SMYD3: variants seen among roughly 807,000 people sequenced by gnomAD.
SMYD3 encodes the protein histone-lysine N-methyltransferase SMYD3.
In SMYD3, 36 loss-of-function variants were observed where a neutral mutation model predicts 57.7. That is an observed-to-expected ratio of 0.62 (90% CI 0.48 to 0.82). SMYD3 has a LOEUF of 0.82. SMYD3 is among the 40% of genes least tolerant of loss of function. The probability of loss-of-function intolerance (pLI) is 0.00; values close to 1 mark genes in which losing one functional copy is unlikely to be tolerated. For synonymous variants in SMYD3, 211 were observed against 195.0 expected, an observed-to-expected ratio of 1.08 and a Z score of -0.68; for missense variants, 515 against 538.8, an observed-to-expected ratio of 0.96 and a Z score of 0.44.
intron 1 of SMYD3, among the ~76,000 whole-genome samples, chr1:246,373,695 G>A (rs1330684469): frequency 6.6e-6 from 1 of 152,164 alleles, no homozygotes. Context: ...GCCTTTTTCT[G>A]AAAAGATGTC....
chr1:245,912,541 T>A (rs1031585228), intron 8 of SMYD3, among the ~76,000 whole-genome samples: 2 of 151,960 alleles, frequency 1.3e-5, no homozygotes, highest in Non-Finnish European at 2.9e-5. Context: ...AGACCCCAAA[T>A]AGCCAAGGCA....
At chr1:245,854,806 A>G (rs2051151890) in intron 10 of SMYD3, among the ~76,000 whole-genome samples, 1 of 152,212 alleles carries the variant, frequency 6.6e-6, no homozygotes, top group Non-Finnish European at 1.5e-5. Flanking sequence ...TCTGAAGGGA[A>G]GAGAGTTGAG....
At chr1:246,238,287 T>TC (rs1385831866) in intron 5 of SMYD3, among the ~76,000 whole-genome samples, 1 of 152,148 alleles carries the variant, frequency 6.6e-6, no homozygotes, top group Non-Finnish European at 1.5e-5. Flanking sequence ...CGCCTGAGCT[T>TC]CCGAAAGTGC....
At chr1:246,407,013 G>A (rs2066875902) in intron 1 of SMYD3, among the ~76,000 whole-genome samples, 1 of 152,228 alleles carries the variant, frequency 6.6e-6, no homozygotes, top group South Asian at 2.1e-4. Context: ...GGGGGATGTG[G>A]ATGGAATAAA....
rs1404210941 is a variant in SMYD3 at position 246,438,564 on chromosome 1, T to C, written c.164+68490A>G. ...CCCCCAGCACGGATACCAAAATCCATGGATGCTCAAGTCCCTTCTATAAAA... is the reference window on the plus strand; with the variant it reads ...CCCCCAGCACGGATACCAAAATCCACGGATGCTCAAGTCCCTTCTATAAAA... On this transcript the variant is annotated intron_variant, in intron 1 of 11. Coordinates refer to ENST00000490107, the MANE Select transcript of SMYD3 (RefSeq NM_001167740.2). Among the ~76,000 whole-genome samples the C allele has an allele frequency of 2.0e-5, 3 of 152,120 alleles. No individual in the cohort carries two copies. In the East Asian group the frequency reaches 5.8e-4, roughly 29 times the overall value.
At chr1:246,396,730 C>G (rs552663421) in intron 1 of SMYD3, among the ~76,000 whole-genome samples, 3 of 152,188 alleles carry the variant, frequency 2.0e-5, no homozygotes, top group African/African-American at 7.2e-5. Context: ...CTCACGAGAC[C>G]TGGTTGTTCT....
At chr1:246,164,406 C>T (rs960961562) in intron 5 of SMYD3, among the ~76,000 whole-genome samples, 3 of 152,030 alleles carry the variant, frequency 2.0e-5, no homozygotes, top group Admixed American at 6.5e-5. Context: ...GGCGACAGAG[C>T]GAGACTCCGT....
At chr1:246,353,433 G>C (rs1232500562) in intron 2 of SMYD3, among the ~76,000 whole-genome samples, 3 of 152,104 alleles carry the variant, frequency 2.0e-5, no homozygotes, top group Admixed American at 1.3e-4. Context: ...AGGAGGCAGA[G>C]GCAGGGAGAC....
At chr1:245,854,854 C>A (rs959037765) in intron 10 of SMYD3, among the ~76,000 whole-genome samples, 1 of 152,100 alleles carries the variant, frequency 6.6e-6, no homozygotes, top group East Asian at 1.9e-4. Flanking sequence ...ATGGGGGAAG[C>A]AGGGCTTTAA....
intron 5 of SMYD3, among the ~76,000 whole-genome samples, chr1:246,089,462 G>C (rs1271482778): frequency 6.6e-6 from 1 of 152,054 alleles, no homozygotes. Flanking sequence ...ATTATTTTGG[G>C]AAAGGTGCAT....
intron 1 of SMYD3, among the ~76,000 whole-genome samples, chr1:246,365,909 G>T (rs1254147572): frequency 6.6e-6 from 1 of 152,124 alleles, no homozygotes; most frequent in Non-Finnish European, 1.5e-5. Context: ...TCTTTAAGAT[G>T]AATTCCCCAG....
Position 246,282,866 on chromosome 1 carries a change from G to GT in SMYD3, c.531+44334dup, listed in dbSNP as rs528659611. 9.8e-5 allele frequency among the ~76,000 whole-genome samples: 15 copies of GT among 152,306 alleles called. No individual in the cohort carries two copies. The East Asian group carries it at 2.7e-3, about 27-fold the overall frequency. On this transcript the variant is annotated intron_variant, in intron 5 of 11. Transcript: ENST00000490107. Reference sequence around the variant, plus strand: ...TAAATCAACCTGGTTTGTTGCAGTTGTTAATTATCTAAAGTAAACTGAAGA... The same window carrying GT: ...TAAATCAACCTGGTTTGTTGCAGTTGTTTAATTATCTAAAGTAAACTGAAGA...
chr1:246,047,030 G>A (rs551665621), intron 5 of SMYD3, among the ~76,000 whole-genome samples: 6 of 152,204 alleles, frequency 3.9e-5, no homozygotes, highest in South Asian at 2.1e-4. Context: ...ATAAACATAT[G>A]TTCCTGAAGA....
At chr1:246,033,160 CAAAGGGTG>C (rs2059709020) in intron 5 of SMYD3, among the ~76,000 whole-genome samples, 1 of 151,838 alleles carries the variant, frequency 6.6e-6, no homozygotes, top group African/African-American at 2.4e-5. Flanking sequence ...AGATGTCCTT[CAAAGGGTG>C]AAAGGTTAAA....
chr1:246,261,894 A>T (rs967728734), intron 5 of SMYD3, among the ~76,000 whole-genome samples: 1 of 152,218 alleles, frequency 6.6e-6, no homozygotes, highest in African/African-American at 2.4e-5. Context: ...CAATTCTTAA[A>T]TCGGAGAAAA....
intron 10 of SMYD3, among the ~76,000 whole-genome samples, chr1:245,784,070 A>C: frequency 6.6e-6 from 1 of 152,250 alleles, no homozygotes; most frequent in East Asian, 1.9e-4. Context: ...GAACTAGAGC[A>C]GCTAGCACAA....
chr1:246,490,584 C>T lies in SMYD3; in HGVS notation c.164+16470G>A, dbSNP rs186051827. ...TAATACCTAAATTCCACCGACCAAT[C>T]GCTGAGGGCTGGACTCAATGGCTCA... On this transcript the variant is annotated intron_variant, in intron 1 of 11. Transcript: ENST00000490107. Among the ~76,000 whole-genome samples, 5 of 152,304 alleles carry T rather than the reference C, an allele frequency of 3.3e-5. 1 individual carries two copies. The South Asian group carries it at 1.0e-3, about 32-fold the overall frequency.
At chr1:246,139,829 G>A (rs779683487) in intron 5 of SMYD3, among the ~76,000 whole-genome samples, 18 of 152,236 alleles carry the variant, frequency 1.2e-4, no homozygotes, top group Non-Finnish European at 1.9e-4. Context: ...GAATCCTGCT[G>A]GAAAGGAAAG....
rs139752698 is a variant in SMYD3, at chr1:246,446,079, C to A, written c.164+60975G>T. 9.0e-3 allele frequency among the ~76,000 whole-genome samples: 1,367 copies of A among 152,232 alleles called. 22 individuals are homozygous for A. Among genetic ancestry groups the A allele is most frequent in the African/African-American group, 0.031 (1,270 of 41,550 alleles). ...TTTTTAATCTTTACTTTCCCATCTA[C>A]TAAGGTAAGTCAGAAGACCCTGGAT... On this transcript the variant is annotated intron_variant, in intron 1 of 11. Transcript: ENST00000490107.
Sources: allele counts gnomAD v4.1 joint callset (sites outside exome capture counted in the v4.1 genomes callset), GRCh38; gene constraint gnomAD v4.1.1; transcripts MANE v1.5; gene names NCBI Gene and HGNC (gene_info 2026-07-23, HGNC 2026-07-21).